Variants in HECTD4 observed in about 807,000 individuals in gnomAD.
The protein encoded by HECTD4 is probable E3 ubiquitin-protein ligase HECTD4.
A neutral mutation model predicts 471.5 loss-of-function variants in HECTD4; 114 were observed. That is an observed-to-expected ratio of 0.24 (90% confidence interval 0.21 to 0.28). The LOEUF (loss-of-function observed/expected upper bound fraction) is 0.28, where lower values mean the gene tolerates loss of function less well. Among genes scored for constraint, HECTD4 ranks in the 10% least tolerant of loss-of-function variants. The probability of loss-of-function intolerance (pLI) is 1.00; values close to 1 mark genes in which losing one functional copy is unlikely to be tolerated. For synonymous variants in HECTD4, 2,012 were observed against 2,256.0 expected, an observed-to-expected ratio of 0.89 and a Z score of 3.07; for missense variants, 3,866 against 5,651.5, an observed-to-expected ratio of 0.68 and a Z score of 10.13.
At chr12:112,339,970 A>C (rs1204880193) in intron 1 of HECTD4, among the ~76,000 whole-genome samples, 3 of 151,814 alleles carry the variant, frequency 2.0e-5, no homozygotes, top group Non-Finnish European at 4.4e-5. Flanking sequence ...AATCGTTTGA[A>C]CCCGGGAGGC....
intron 7 of HECTD4, among the ~76,000 whole-genome samples, chr12:112,301,189 C>CTTTT (rs879714994): frequency 7.0e-6 from 1 of 143,170 alleles, no homozygotes; most frequent in Admixed American, 7.0e-5. Flanking sequence ...CCCGGTCGTA[C>CTTTT]TTTTTTTTTT....
chr12:112,178,267 G>A (rs2031532168), intron 64 of HECTD4, among the ~76,000 whole-genome samples: 1 of 151,994 alleles, frequency 6.6e-6, no homozygotes, highest in Admixed American at 6.6e-5. Flanking sequence ...TTGTAGAGAT[G>A]GTGTTTTGCC....
intron 16 of HECTD4, among the ~76,000 whole-genome samples, chr12:112,264,847 C>T (rs926595758): frequency 6.6e-6 from 1 of 152,204 alleles, no homozygotes; most frequent in Non-Finnish European, 1.5e-5. Flanking sequence ...TCACTGCAAA[C>T]TCCACCTCCT....
At chr12:112,309,813 C>CA in intron 4 of HECTD4, 144 bp from the exon 5 acceptor site, 3 of 518,248 alleles carry the variant, frequency 5.8e-6, no homozygotes, top group Non-Finnish European at 6.7e-6. Flanking sequence ...ATGTGACTTT[C>CA]AGGGAAGATG....
chr12:112,328,035 T>A (rs528505335), intron 1 of HECTD4, among the ~76,000 whole-genome samples: 74 of 152,342 alleles, frequency 4.9e-4, no homozygotes, highest in Admixed American at 3.5e-3. Flanking sequence ...TATGAACCTG[T>A]CAGCATAAAA....
At position 112,163,824 on chromosome 12, in the gene HECTD4, A is replaced by G; in HGVS notation, c.12702-87T>C. On this transcript the variant is annotated intron_variant, in intron 73 of 75. Coordinates refer to ENST00000682272, the MANE Select transcript of HECTD4 (RefSeq NM_001388303.1). The surrounding 1 kb of genome is among the most constrained non-coding windows in gnomAD (Gnocchi z 8.2). ...ACACCCACTCAGCTGGAGGTCCCGGATCCTCTCTTGGGAGAGGCCTGGGGC... is the reference window on the plus strand; with the variant it reads ...ACACCCACTCAGCTGGAGGTCCCGGGTCCTCTCTTGGGAGAGGCCTGGGGC... The G allele has an allele frequency of 1.6e-6, 2 of 1,243,472 alleles. No individual in the cohort carries two copies. Among genetic ancestry groups the G allele is most frequent in the South Asian group, 1.8e-5 (1 of 55,282 alleles). 77.0% of individuals were successfully genotyped at this position (1,243,472 alleles called of 1,614,324 possible). A position where few individuals can be genotyped will look rare whatever the true frequency, so the allele number is the denominator to read the frequency against.
At chr12:112,290,848 C>CAAAAA (rs773634720) in intron 7 of HECTD4, among the ~76,000 whole-genome samples, 22 of 86,222 alleles carry the variant, frequency 2.6e-4, no homozygotes, top group African/African-American at 6.7e-4. Flanking sequence ...AACTCCGTCT[C>CAAAAA]AAAAAAAAAC....
intron 1 of HECTD4, among the ~76,000 whole-genome samples, chr12:112,364,132 C>T (rs982564086): frequency 6.6e-6 from 1 of 151,580 alleles, no homozygotes; most frequent in African/African-American, 2.4e-5. Context: ...GGGCTGGGCA[C>T]GGTGGCTCAC....
chr12:112,375,224 G>A (rs2135768171), intron 1 of HECTD4, among the ~76,000 whole-genome samples: 1 of 152,266 alleles, frequency 6.6e-6, no homozygotes, highest in South Asian at 2.1e-4. Flanking sequence ...AGTACCAACG[G>A]TTCATTCGTT....
At chr12:112,292,531 G>A (rs945543600) in intron 7 of HECTD4, among the ~76,000 whole-genome samples, 2 of 152,176 alleles carry the variant, frequency 1.3e-5, no homozygotes, top group African/African-American at 4.8e-5. Flanking sequence ...TGTATCACCA[G>A]CTCCTAGGAT....
intron 20 of HECTD4, 121 bp downstream of exon 20, chr12:112,258,375 A>T: frequency 1.6e-6 from 1 of 628,872 alleles, no homozygotes; most frequent in South Asian, 3.1e-5. Flanking sequence ...TTTCATTCTG[A>T]AGTCTTTTTC....
chr12:112,326,679 T>A (rs879388716), intron 1 of HECTD4, among the ~76,000 whole-genome samples: 11 of 152,118 alleles, frequency 7.2e-5, no homozygotes, highest in Non-Finnish European at 1.3e-4. Context: ...TATAGACGCT[T>A]TTGAAGTTGT....
Position 112,266,957 on chromosome 12 carries a change from C to G in HECTD4, c.2347G>C (p.Gly783Arg). The G allele has an allele frequency of 6.5e-7, 1 of 1,534,824 alleles. No individual in the cohort carries two copies. The highest frequency in any genetic ancestry group is 2.4e-5 in the East Asian group (1 of 41,714). Reference protein sequence around the residue: ...ISSGLNILYPGETEINNLLKL... With the variant: ...ISSGLNILYPRETEINNLLKL... ...AGTAAGTTATTGATTTCAGTTTCAC[C>G]TGGGTACAAGATATTTAAACCAGAG... Residue 783 changes from glycine (G) to arginine (R), a missense_variant, in exon 14 of 76, where the codon GGT (glycine) becomes CGT (arginine). Around this residue, in one of 16 missense-constraint regions of HECTD4, gnomAD observed 525 missense variants for 672.6 expected, o/e 0.78. Transcript: ENST00000682272.
At chr12:112,311,181 G>C (rs2035362622) in intron 4 of HECTD4, among the ~76,000 whole-genome samples, 1 of 151,906 alleles carries the variant, frequency 6.6e-6, no homozygotes, top group Non-Finnish European at 1.5e-5. Flanking sequence ...AGAATTGCTT[G>C]AACCTGGGAG....
rs543276750 is a variant in HECTD4, at chr12:112,165,576, C to T, written c.12535-1301G>A. On this transcript the variant is annotated intron_variant, in intron 72 of 75. Transcript: ENST00000682272. Reference sequence around the variant, plus strand: ...CTGTGTTAGCCAGGATGGTCTCAATCTCCTGACCTCGTGATCTGCCCACCT... The same window carrying T: ...CTGTGTTAGCCAGGATGGTCTCAATTTCCTGACCTCGTGATCTGCCCACCT... 3.4e-4 allele frequency among the ~76,000 whole-genome samples: 52 copies of T among 152,240 alleles called. No homozygotes were observed. The East Asian group carries it at 9.5e-3, about 28-fold the overall frequency.
chr12:112,358,611 T>C (rs2036389417), intron 1 of HECTD4, among the ~76,000 whole-genome samples: 1 of 152,202 alleles, frequency 6.6e-6, no homozygotes, highest in Non-Finnish European at 1.5e-5. Context: ...CCTATCTGTC[T>C]ATGACCATAG....
intron 70 of HECTD4, among the ~76,000 whole-genome samples, 180 bp downstream of exon 70, chr12:112,169,323 C>T (rs752875038): frequency 5.3e-5 from 8 of 152,134 alleles, no homozygotes; most frequent in Non-Finnish European, 1.0e-4. Flanking sequence ...GAGGCTTCCA[C>T]AGGGGGCTGG....
rs540965990 is a variant in HECTD4 at position 112,163,719 on chromosome 12, G to C, written c.12720C>G (p.Ile4240Met). 2 of 1,486,310 alleles carry C rather than the reference G, an allele frequency of 1.3e-6. No individual in the cohort carries two copies. The highest frequency in any genetic ancestry group is 2.8e-5 in the African/African-American group (2 of 71,008). 92.1% of individuals were successfully genotyped at this position (1,486,310 alleles called of 1,614,324 possible). Residue 4240 changes from isoleucine (I) to methionine (M), a missense_variant, in exon 74 of 76, where the codon ATC becomes ATG. This residue lies in a region of HECTD4 where 715 missense variants were observed against 1,087.6 expected (regional missense o/e 0.66). Coordinates refer to ENST00000682272, the MANE Select transcript of HECTD4 (RefSeq NM_001388303.1). This position sits in a 1 kb window ranked among gnomAD's most constrained non-coding sequence, Gnocchi z 8.2. ...HILVAWENKD[I>M]YAAAIRSLRL... ...GCAGGCTCCGGATGGCTGCCGCGTA[G>C]ATGTCCTTGTTCTCCCACCTGCCCG...
At chr12:112,234,488 C>A (rs2033455038) in intron 37 of HECTD4, among the ~76,000 whole-genome samples, 1 of 152,152 alleles carries the variant, frequency 6.6e-6, no homozygotes, top group African/African-American at 2.4e-5. Flanking sequence ...GACATAAATA[C>A]CTGCTCTGAA....
Sources: gnomAD v4.1 joint callset for allele counts (sites outside exome capture counted in the v4.1 genomes callset) on GRCh38, gnomAD v4.1.1 for gene constraint, gnomAD v4.1.1 regional missense constraint, Gnocchi (gnomAD v3.1) non-coding constraint, MANE v1.5 for transcripts, NCBI Gene and HGNC (gene_info 2026-07-23, HGNC 2026-07-21) for gene names.